The following KCNIP4 variants were observed in gnomAD, a reference collection of about 807,000 sequenced individuals.
KCNIP4 encodes Kv channel-interacting protein 4.
KCNIP4 carries 12 observed loss-of-function variants against 34.0 expected under a neutral mutation model. That is an observed-to-expected ratio of 0.35 (90% CI 0.23 to 0.57). The LOEUF is 0.57. Among genes scored for constraint, KCNIP4 ranks in the 20% least tolerant of loss-of-function variants. KCNIP4 has a pLI of 0.83. For missense variants in KCNIP4, 238 were observed against 311.7 expected (o/e 0.76, Z 1.78); for synonymous variants, 124 against 102.2 (o/e 1.21, Z -1.29).
chr4:21,204,822 C>A lies in KCNIP4; in HGVS notation c.62-322113G>T, dbSNP rs55770210. Among the ~76,000 whole-genome samples the A allele has an allele frequency of 9.0e-3, 1,363 of 152,232 alleles. 18 individuals carry two copies. Among genetic ancestry groups the A allele is most frequent in the African/African-American group, 0.03 (1,256 of 41,548 alleles). On this transcript the variant is annotated intron_variant, in intron 1 of 8. Coordinates refer to ENST00000382152, the MANE Select transcript of KCNIP4 (RefSeq NM_025221.6). ...TGTTCAACAAACATTTACTGAGCAT[C>A]TACTAGTAAGGATGTAGAAATGTTC...
intron 3 of KCNIP4, among the ~76,000 whole-genome samples, chr4:20,770,119 T>A (rs1319487019): frequency 3.5e-4 from 53 of 152,340 alleles, no homozygotes; most frequent in African/African-American, 1.3e-3. Context: ...CTTCTGAACA[T>A]CAGTTCATTT....
intron 1 of KCNIP4, among the ~76,000 whole-genome samples, chr4:21,387,745 G>C (rs17522576): frequency 0.21 from 31,293 of 152,026 alleles, 3,684 homozygotes; most frequent in Middle Eastern, 0.31. Context: ...GAATGAGTTA[G>C]TCACCTTCCT....
intron 1 of KCNIP4, among the ~76,000 whole-genome samples, chr4:21,916,083 G>T (rs938631318): frequency 1.3e-5 from 2 of 152,084 alleles, no homozygotes; most frequent in Admixed American, 6.5e-5. Flanking sequence ...CATATGTTTG[G>T]GTCAAAATAC....
chr4:21,242,163 CA>C (rs11436478), intron 1 of KCNIP4, among the ~76,000 whole-genome samples: 124 of 55,746 alleles, frequency 2.2e-3, no homozygotes, highest in East Asian at 7.7e-3. Flanking sequence ...AATTCTGTCT[CA>C]AAAAAAAAAA....
At chr4:21,003,548 A>G (rs1190674018) in intron 1 of KCNIP4, among the ~76,000 whole-genome samples, 4 of 152,242 alleles carry the variant, frequency 2.6e-5, no homozygotes, top group Non-Finnish European at 4.4e-5. Flanking sequence ...GACACAAAAA[A>G]TAGAAACTGG....
intron 1 of KCNIP4, among the ~76,000 whole-genome samples, chr4:21,559,052 A>G (rs1394040662): frequency 6.6e-6 from 1 of 152,166 alleles, no homozygotes; most frequent in Non-Finnish European, 1.5e-5. Flanking sequence ...TAATTTACAT[A>G]TAAACTTAGC....
intron 1 of KCNIP4, among the ~76,000 whole-genome samples, chr4:21,025,165 A>G (rs1304202086): frequency 6.6e-6 from 1 of 152,126 alleles, no homozygotes; most frequent in East Asian, 1.9e-4. Context: ...CATCATTTAA[A>G]CTGCCAACTG....
At chr4:21,508,672 T>C (rs1478965227) in intron 1 of KCNIP4, among the ~76,000 whole-genome samples, 2 of 152,198 alleles carry the variant, frequency 1.3e-5, no homozygotes, top group African/African-American at 2.4e-5. Flanking sequence ...TTTGCTGCTT[T>C]TGCAAGGAAC....
intron 2 of KCNIP4, among the ~76,000 whole-genome samples, chr4:20,868,024 T>A (rs370145281): frequency 6.7e-3 from 317 of 47,250 alleles, no homozygotes; most frequent in South Asian, 0.02. Flanking sequence ...ATAATAATAA[T>A]AAAAAAAAGA....
intron 1 of KCNIP4, among the ~76,000 whole-genome samples, chr4:21,542,146 T>C (rs919160848): frequency 3.3e-5 from 5 of 152,168 alleles, no homozygotes; most frequent in African/African-American, 7.2e-5. Context: ...AGTCAGGTTA[T>C]GGATGAGTGT....
intron 1 of KCNIP4, among the ~76,000 whole-genome samples, chr4:21,725,240 C>CA (rs1366664675): frequency 1.3e-5 from 2 of 152,010 alleles, no homozygotes; most frequent in African/African-American, 4.8e-5. Flanking sequence ...ACTTCCTATA[C>CA]AAAAAAATCC....
chr4:21,403,818 C>T (rs1723743485), intron 1 of KCNIP4, among the ~76,000 whole-genome samples: 1 of 152,186 alleles, frequency 6.6e-6, no homozygotes, highest in Non-Finnish European at 1.5e-5. Context: ...GGGACAAATG[C>T]TGTGTCCACA....
At chr4:20,907,878 A>G (rs1170441437) in intron 1 of KCNIP4, among the ~76,000 whole-genome samples, 2 of 151,672 alleles carry the variant, frequency 1.3e-5, no homozygotes, top group African/African-American at 2.4e-5. Context: ...CATGATATCA[A>G]ATTTTCTTGA....
In KCNIP4 at chr4:20,835,427, T is replaced by C. The variant is rs368638219; in HGVS notation, c.288+15116A>G. On this transcript the variant is annotated intron_variant, in intron 3 of 8. Transcript: ENST00000382152. ...TGACCTCGGAGAGGTCACTTAACAA[T>C]TCCTTGCCCATTTCTTTTATTATTA... is the stretch of plus-strand genomic sequence containing the variant. Among the ~76,000 whole-genome samples, 28 of 152,192 alleles carry C rather than the reference T, an allele frequency of 1.8e-4. No individual in the cohort carries two copies. In the South Asian group the frequency reaches 3.7e-3, roughly 20 times the overall value.
At chr4:21,787,857 A>G (rs1720012390) in intron 1 of KCNIP4, among the ~76,000 whole-genome samples, 1 of 152,182 alleles carries the variant, frequency 6.6e-6, no homozygotes, top group African/African-American at 2.4e-5. Flanking sequence ...ACTGGCATAT[A>G]ATTGTATATC....
chr4:21,267,449 A>C (rs1445135794), intron 1 of KCNIP4, among the ~76,000 whole-genome samples: 1 of 151,622 alleles, frequency 6.6e-6, no homozygotes, highest in African/African-American at 2.4e-5. Context: ...GAATGCTTCC[A>C]GTTTTTGCCC....
intron 1 of KCNIP4, among the ~76,000 whole-genome samples, chr4:20,886,425 T>C (rs1253552059): frequency 6.6e-6 from 1 of 152,186 alleles, no homozygotes; most frequent in Non-Finnish European, 1.5e-5. Context: ...TGTATGCGTG[T>C]GTATTCTGCA....
At chr4:20,895,929 A>C (rs1467897877) in intron 1 of KCNIP4, among the ~76,000 whole-genome samples, 2 of 152,230 alleles carry the variant, frequency 1.3e-5, no homozygotes, top group Non-Finnish European at 2.9e-5. Flanking sequence ...TAAGAACTGT[A>C]GACTTTTGAT....
At chr4:21,060,588 T>C (rs983562298) in intron 1 of KCNIP4, among the ~76,000 whole-genome samples, 4 of 152,150 alleles carry the variant, frequency 2.6e-5, no homozygotes, top group Non-Finnish European at 5.9e-5. Flanking sequence ...CCAAGAACAT[T>C]ACCTGCTCCG....
Sources: gnomAD v4.1 joint callset for allele counts (sites outside exome capture counted in the v4.1 genomes callset) on GRCh38, gnomAD v4.1.1 for gene constraint, MANE v1.5 for transcripts, NCBI Gene and HGNC (gene_info 2026-07-23, HGNC 2026-07-21) for gene names.